The following LRP5 variants were observed in gnomAD, a reference collection of about 807,000 sequenced individuals.
LRP5 encodes low-density lipoprotein receptor-related protein 5.
A neutral mutation model predicts 154.1 loss-of-function variants in LRP5; 62 were observed. The observed-to-expected ratio is 0.40, with a 90% CI of 0.33 to 0.50. The LOEUF (loss-of-function observed/expected upper bound fraction) is 0.50, where lower values mean the gene tolerates loss of function less well. LRP5 is among the 20% of genes least tolerant of loss of function. The probability of loss-of-function intolerance (pLI) is 0.55; values close to 1 mark genes in which losing one functional copy is unlikely to be tolerated. For synonymous variants in LRP5, 966 were observed against 1,011.5 expected, an observed-to-expected ratio of 0.96 and a Z score of 0.85; for missense variants, 1,915 against 2,336.7, an observed-to-expected ratio of 0.82 and a Z score of 3.72.
chr11:68,338,943 G>A (rs1418864806), intron 1 of LRP5, among the ~76,000 whole-genome samples: 3 of 126,362 alleles, frequency 2.4e-5, no homozygotes, highest in African/African-American at 9.2e-5. Flanking sequence ...GTGCAATGTC[G>A]GCTCACTGCA....
rs559772127 is a variant in LRP5 at position 68,389,026 on chromosome 11, C to T, written c.1413-855C>T. 4.9e-4 allele frequency among the ~76,000 whole-genome samples: 74 copies of T among 152,214 alleles called. 2 individuals are homozygous for T. The South Asian group carries it at 0.015, about 30-fold the overall frequency. On this transcript the variant is annotated intron_variant, in intron 6 of 22. Coordinates refer to ENST00000294304, the MANE Select transcript of LRP5 (RefSeq NM_002335.4). ...TTACCAACACTGACATCTACTGACA[C>T]TGGCATCTACCAACACTGACATTTA...
intron 1 of LRP5, among the ~76,000 whole-genome samples, chr11:68,333,672 C>T (rs565975497): frequency 1.3e-5 from 2 of 152,202 alleles, no homozygotes; most frequent in East Asian, 3.9e-4. Flanking sequence ...TATAGTCATG[C>T]TAGTTTTATT....
Position 68,416,414 on chromosome 11 carries a change from C to A in LRP5, c.2914C>A (p.Pro972Thr), listed in dbSNP as rs749294674. 6.2e-7 allele frequency: 1 copy of A among 1,614,180 alleles called. No individual in the cohort carries two copies. The highest frequency in any genetic ancestry group is 8.5e-7 in the Non-Finnish European group (1 of 1,180,028). ...CCAGCACAGCCCGGATCTCATCCTG[C>A]CCCTGCATGGACTGAGGAACGTCAA... ...DDQHSPDLIL[P>T]LHGLRNVKAI... The change falls in exon 13 of 23, where the codon CCC (proline) becomes ACC (threonine). Residue 972 changes from proline to threonine, a missense_variant. By Grantham distance (38) the Pro-to-Thr change is conservative (BLOSUM62 -1). Coordinates refer to ENST00000294304, the MANE Select transcript of LRP5 (RefSeq NM_002335.4).
At chr11:68,404,534 C>T (rs537481116) in intron 8 of LRP5, 5 of 485,882 alleles carry the variant, frequency 1.0e-5, no homozygotes, top group African/African-American at 2.0e-5. Context: ...AGCACAGCCC[C>T]GTGGAAGCCT....
At chr11:68,426,326 G>T (rs2098668755) in intron 16 of LRP5, 139 bp downstream of exon 16, 4 of 695,562 alleles carry the variant, frequency 5.8e-6, no homozygotes, top group Non-Finnish European at 9.5e-6. Flanking sequence ...GCCCGCTGGG[G>T]TTCAGCGACA....
intron 13 of LRP5, among the ~76,000 whole-genome samples, chr11:68,418,816 C>A (rs931753008): frequency 6.6e-6 from 1 of 152,178 alleles, no homozygotes; most frequent in African/African-American, 2.4e-5. Context: ...ATCTTGCTTG[C>A]TACAGGTGAC....
chr11:68,324,382 C>A (rs1178849022), intron 1 of LRP5, among the ~76,000 whole-genome samples: 1 of 152,330 alleles, frequency 6.6e-6, no homozygotes, highest in East Asian at 1.9e-4. Context: ...GTGTGCTGAC[C>A]CAGCTGGGCT....
At chr11:68,347,791 G>T in intron 1 of LRP5, 56 bp from the exon 2 acceptor site, 1 of 1,599,410 alleles carries the variant, frequency 6.3e-7, no homozygotes, top group Non-Finnish European at 8.5e-7. Context: ...CCATCCCAGG[G>T]CTGTGTATCT....
chr11:68,333,796 C>G (rs919903508), intron 1 of LRP5, among the ~76,000 whole-genome samples: 1 of 152,154 alleles, frequency 6.6e-6, no homozygotes, highest in Admixed American at 6.6e-5. Context: ...TTGGAGAGGA[C>G]TGCAGTAGAT....
At chr11:68,379,756 G>A (rs2098639274) in intron 5 of LRP5, among the ~76,000 whole-genome samples, 1 of 152,178 alleles carries the variant, frequency 6.6e-6, no homozygotes, top group Non-Finnish European at 1.5e-5. Flanking sequence ...CAAGTACAGA[G>A]AGTTCCTTCC....
chr11:68,403,826 A>C (rs1591285003), intron 8 of LRP5, 127 bp downstream of exon 8: 1 of 1,114,128 alleles, frequency 9.0e-7, no homozygotes, highest in Non-Finnish European at 1.3e-6. Flanking sequence ...CAGGACAGGA[A>C]AGGTGACAGT....
chr11:68,326,951 C>T (rs2153116594), intron 1 of LRP5, among the ~76,000 whole-genome samples: 1 of 152,348 alleles, frequency 6.6e-6, no homozygotes, highest in Non-Finnish European at 1.5e-5. Flanking sequence ...GATGTCAACA[C>T]CCAGTTGAGG....
At chr11:68,339,630 G>A (rs1264240710) in intron 1 of LRP5, among the ~76,000 whole-genome samples, 7 of 152,156 alleles carry the variant, frequency 4.6e-5, no homozygotes, top group Non-Finnish European at 8.8e-5. Context: ...ACAGGCGTGA[G>A]CCACCATACC....
intron 6 of LRP5, among the ~76,000 whole-genome samples, chr11:68,389,130 C>T (rs1330663817): frequency 1.4e-5 from 2 of 139,400 alleles, no homozygotes; most frequent in African/African-American, 2.7e-5. Flanking sequence ...CAACATTTAC[C>T]GACACCAACA....
intron 1 of LRP5, among the ~76,000 whole-genome samples, chr11:68,346,828 C>A (rs74429202): frequency 0.025 from 3,844 of 152,340 alleles, 129 homozygotes; most frequent in African/African-American, 0.078. Context: ...CTTGTGTTCA[C>A]TCCTCATGTG....
upstream of LRP5, among the ~76,000 whole-genome samples, chr11:68,310,967 T>G (rs1197582715): frequency 6.6e-6 from 1 of 151,942 alleles, no homozygotes; most frequent in Non-Finnish European, 1.5e-5. Context: ...TTTTGCTTCT[T>G]TCCTGAGATG....
chr11:68,415,029 T>C (rs1565093232), intron 12 of LRP5, among the ~76,000 whole-genome samples: 1 of 152,214 alleles, frequency 6.6e-6, no homozygotes, highest in Non-Finnish European at 1.5e-5. Context: ...CAGTACCTGG[T>C]GCAACGACTT....
At position 68,423,660 on chromosome 11, in the gene LRP5, G is replaced by A. The variant is rs747518922; in HGVS notation, c.3199G>A (p.Asp1067Asn). Residue 1067 changes from aspartate (D) to asparagine (N), a missense_variant, in exon 14 of 23, where the codon GAC becomes AAC. Physicochemically the swap from Asp to Asn is conservative, Grantham distance 23 (BLOSUM62 1). Around this residue, in one of 3 missense-constraint regions of LRP5, gnomAD observed 1,094 missense variants for 1,210.1 expected, o/e 0.90. Transcript: ENST00000294304. This position sits in a 1 kb window ranked among gnomAD's most constrained non-coding sequence, Gnocchi z 4.7. ...AMGVVLRGDR[D>N]KPRAIVVNAE... Reference sequence around the variant, plus strand: ...GGGGGTGGTGCTGCGTGGGGACCGCGACAAGCCCAGGGCCATCGTCGTCAA... The same window carrying A: ...GGGGGTGGTGCTGCGTGGGGACCGCAACAAGCCCAGGGCCATCGTCGTCAA... 102 of 1,613,660 alleles carry A rather than the reference G, an allele frequency of 6.3e-5. No homozygotes were observed. Among genetic ancestry groups the A allele is most frequent in the Non-Finnish European group, 5.3e-5 (62 of 1,179,990 alleles).
intron 7 of LRP5, among the ~76,000 whole-genome samples, chr11:68,398,014 G>A (rs1197657045): frequency 3.3e-5 from 5 of 150,942 alleles, no homozygotes; most frequent in Non-Finnish European, 5.9e-5. Flanking sequence ...GTGTGTTTGC[G>A]TGCGCGCACA....
Sources: gnomAD v4.1 joint callset for allele counts (sites outside exome capture counted in the v4.1 genomes callset) on GRCh38, gnomAD v4.1.1 for gene constraint, gnomAD v4.1.1 regional missense constraint, Gnocchi (gnomAD v3.1) non-coding constraint, MANE v1.5 for transcripts, NCBI Gene and HGNC (gene_info 2026-07-23, HGNC 2026-07-21) for gene names.